BLTP1: variants seen among roughly 807,000 people sequenced by gnomAD.
BLTP1 encodes fragile site-associated protein.
At chr4:122,302,627 T>C in the BLTP1 span, among the ~76,000 whole-genome samples, 9 of 152,192 alleles carry the variant, frequency 5.9e-5, no homozygotes, top group African/African-American at 2.2e-4. Context: ...GAGGAAGATA[T>C]GTCAAAAGCC....
At chr4:122,241,831 G>C in the BLTP1 span, among the ~76,000 whole-genome samples, 1 of 152,112 alleles carries the variant, frequency 6.6e-6, no homozygotes, top group East Asian at 1.9e-4. Flanking sequence ...GTACCTGAGA[G>C]GATAGAATTA....
the BLTP1 span, chr4:122,235,509 C>G: frequency 1.1e-5 from 11 of 979,798 alleles, no homozygotes; most frequent in Admixed American, 1.2e-4. Flanking sequence ...GTCTTAGAAT[C>G]TTTAGCATAA....
chr4:122,219,647 C>A, the BLTP1 span: 1 of 950,766 alleles, frequency 1.1e-6, no homozygotes, highest in Non-Finnish European at 1.6e-6. Flanking sequence ...TCAGCACACA[C>A]TTAGAAAAAG....
the BLTP1 span, among the ~76,000 whole-genome samples, chr4:122,203,521 C>T: frequency 4.3e-3 from 647 of 151,802 alleles, 1 homozygote; most frequent in Non-Finnish European, 7.8e-3. Flanking sequence ...ATTTAGCTTG[C>T]CATAACTTTT....
At chr4:122,323,982 G>T in the BLTP1 span, among the ~76,000 whole-genome samples, 2 of 151,982 alleles carry the variant, frequency 1.3e-5, no homozygotes, top group Non-Finnish European at 2.9e-5. Context: ...AGAGTGTTAA[G>T]TCATTAACAC....
the BLTP1 span, among the ~76,000 whole-genome samples, chr4:122,295,160 G>T: frequency 6.6e-6 from 1 of 152,260 alleles, no homozygotes; most frequent in East Asian, 1.9e-4. Flanking sequence ...AAGAGATGGG[G>T]AGAATGGAAC....
the BLTP1 span, chr4:122,298,624 G>A: frequency 9.1e-6 from 2 of 219,198 alleles, no homozygotes; most frequent in Non-Finnish European, 1.1e-5. Context: ...AAAGATATGT[G>A]GGTAAAAATT....
chr4:122,231,956 T>C, the BLTP1 span: 47 of 764,176 alleles, frequency 6.2e-5, no homozygotes, highest in African/African-American at 8.7e-4. Context: ...ATGAAGAATA[T>C]TGTGTAAAAT....
At chr4:122,324,372 C>G in the BLTP1 span, 1 of 1,540,062 alleles carries the variant, frequency 6.5e-7, no homozygotes, top group Non-Finnish European at 8.8e-7. Flanking sequence ...TATTTGAAGT[C>G]AAATACAGTA....
chr4:122,239,366 A>G, the BLTP1 span: 3 of 731,998 alleles, frequency 4.1e-6, no homozygotes, highest in Non-Finnish European at 6.3e-6. Context: ...CTGTTTTGCT[A>G]CTTTGGGTAT....
the BLTP1 span, chr4:122,194,739 T>C: frequency 1.3e-6 from 1 of 788,314 alleles, no homozygotes; most frequent in Non-Finnish European, 1.5e-6. Flanking sequence ...GTATTTTTCA[T>C]AAATTTTAGG....
chr4:122,302,312 T>C, the BLTP1 span: 1 of 909,844 alleles, frequency 1.1e-6, no homozygotes, highest in Non-Finnish European at 1.3e-6. Context: ...CCTTGTTTTA[T>C]TGCACTTCGC....
At chr4:122,334,136 C>G in the BLTP1 span, 1 of 188,430 alleles carries the variant, frequency 5.3e-6, no homozygotes, top group Non-Finnish European at 9.9e-6. Flanking sequence ...CTATTCAGTT[C>G]GAAAGGACAT....
chr4:122,258,571 G>T, the BLTP1 span: 50 of 1,214,086 alleles, frequency 4.1e-5, 1 homozygote, highest in South Asian at 5.6e-4. Flanking sequence ...TGGGGTGGGG[G>T]AGAAAATAAT....
chr4:122,254,525 A>G, the BLTP1 span: 62 of 894,792 alleles, frequency 6.9e-5, no homozygotes, highest in Non-Finnish European at 8.3e-5. Flanking sequence ...TGTTTGACCC[A>G]ATTTCTTTCA....
chr4:122,316,707 G>T, the BLTP1 span: 1 of 1,594,848 alleles, frequency 6.3e-7, no homozygotes, highest in South Asian at 1.1e-5. Context: ...GGGTGGTATT[G>T]ACAGATACAC....
chr4:122,276,088 T>G, the BLTP1 span: 1 of 1,329,592 alleles, frequency 7.5e-7, no homozygotes, highest in East Asian at 2.7e-5. Flanking sequence ...TTTAAAATAT[T>G]TAAATTTTTT....
the BLTP1 span, among the ~76,000 whole-genome samples, chr4:122,204,218 G>A: frequency 6.6e-6 from 1 of 151,880 alleles, no homozygotes; most frequent in African/African-American, 2.4e-5. Flanking sequence ...CAAAATGCAA[G>A]TGTGAAATGT....
chr4:122,263,028 G>T, the BLTP1 span: 1 of 1,570,440 alleles, frequency 6.4e-7, no homozygotes, highest in South Asian at 1.2e-5. Flanking sequence ...ATTTACGGGG[G>T]AATTGAGATG....
Sources: allele counts gnomAD v4.1 joint callset (sites outside exome capture counted in the v4.1 genomes callset), GRCh38; gene constraint gnomAD v4.1.1; transcripts MANE v1.5; gene names NCBI Gene and HGNC (gene_info 2026-07-23, HGNC 2026-07-21).